The following CLDN16 variants were observed in gnomAD, a reference collection of about 807,000 sequenced individuals.
CLDN16 encodes claudin 16.
Under a neutral mutation model 24.6 loss-of-function variants are expected in CLDN16, and 13 were observed. The observed-to-expected ratio is 0.53, with a 90% CI of 0.34 to 0.84. The LOEUF (loss-of-function observed/expected upper bound fraction) is 0.84. Ranked by LOEUF, CLDN16 falls within the 40% of genes least tolerant of loss-of-function variation. CLDN16 has a pLI of 0.01. For synonymous variants in CLDN16, 116 were observed against 106.7 expected, an observed-to-expected ratio of 1.09 and a Z score of -0.54; for missense variants, 298 against 292.7, an observed-to-expected ratio of 1.02 and a Z score of -0.13.
chr3:190,386,203 G>A (rs1423361177), upstream of CLDN16, among the ~76,000 whole-genome samples: 2 of 152,140 alleles, frequency 1.3e-5, no homozygotes, highest in African/African-American at 4.8e-5. Context: ...AAGATTCTCT[G>A]TGACTCACCA....
chr3:190,350,215 GT>G (rs1379558264), intron 1 of CLDN16, among the ~76,000 whole-genome samples: 6 of 151,926 alleles, frequency 3.9e-5, no homozygotes, highest in Non-Finnish European at 5.9e-5. Flanking sequence ...AAAGGAACAG[GT>G]TTTTGAGACA....
intron 2 of CLDN16, among the ~76,000 whole-genome samples, chr3:190,372,727 C>A (rs902674509): frequency 6.6e-6 from 1 of 151,954 alleles, no homozygotes; most frequent in Non-Finnish European, 1.5e-5. Flanking sequence ...TTGTCCCTAG[C>A]AATTTCATTC....
intron 1 of CLDN16, among the ~76,000 whole-genome samples, chr3:190,369,409 GC>G (rs1217689360): frequency 6.6e-6 from 1 of 151,902 alleles, no homozygotes; most frequent in Non-Finnish European, 1.5e-5. Context: ...TAGAGAAGCT[GC>G]TCATAAGAGA....
chr3:190,404,828 C>A lies in CLDN16; in HGVS notation c.284C>A (p.Thr95Asn). 1 of 1,614,128 alleles carries A rather than the reference C, an allele frequency of 6.2e-7. No individual in the cohort carries two copies. The highest frequency in any genetic ancestry group is 8.5e-7 in the Non-Finnish European group (1 of 1,180,012). Residue 95 changes from threonine to asparagine, a missense_variant, in exon 3 of 5, where the codon ACC becomes AAC. Transcript: ENST00000264734. ...ADILAGFGFL[T>N]LLLGLDCVKF... is the part of the protein sequence containing the mutation. ...ATTCTAGCTGGGTTTGGATTTCTCA[C>A]CCTGCTCCTTGGTCTTGACTGCGTG...
the CLDN16 span, among the ~76,000 whole-genome samples, chr3:190,301,514 A>C: frequency 6.6e-6 from 1 of 152,066 alleles, no homozygotes; most frequent in Non-Finnish European, 1.5e-5. Context: ...AAGAAGAAGA[A>C]GAAGGGGAAG....
intron 1 of CLDN16, among the ~76,000 whole-genome samples, chr3:190,334,394 TAA>T (rs1717253698): frequency 6.6e-6 from 1 of 152,210 alleles, no homozygotes; most frequent in Admixed American, 6.5e-5. Context: ...CAAAATGGAA[TAA>T]AGAGACTGAG....
chr3:190,363,141 T>C (rs1427634753), intron 1 of CLDN16, among the ~76,000 whole-genome samples: 1 of 151,974 alleles, frequency 6.6e-6, no homozygotes, highest in Non-Finnish European at 1.5e-5. Flanking sequence ...AATTTTTCTT[T>C]AGTTTCCATT....
upstream of CLDN16, among the ~76,000 whole-genome samples, chr3:190,385,744 A>T (rs1291759414): frequency 6.6e-6 from 1 of 152,142 alleles, no homozygotes; most frequent in African/African-American, 2.4e-5. Context: ...TGTAGCAAAG[A>T]TGGAATTCTG....
chr3:190,335,371 T>A (rs1030896364), intron 1 of CLDN16, among the ~76,000 whole-genome samples: 1 of 151,954 alleles, frequency 6.6e-6, no homozygotes, highest in Non-Finnish European at 1.5e-5. Context: ...TGAAATCACA[T>A]CTTCATCTAG....
At chr3:190,356,176 A>G (rs915771917) in intron 1 of CLDN16, among the ~76,000 whole-genome samples, 2 of 151,792 alleles carry the variant, frequency 1.3e-5, no homozygotes, top group Non-Finnish European at 2.9e-5. Flanking sequence ...CTATACCAAG[A>G]AAGTTTAAGT....
chr3:190,372,211 C>A (rs918182979), intron 2 of CLDN16, among the ~76,000 whole-genome samples: 1 of 151,948 alleles, frequency 6.6e-6, no homozygotes. Context: ...GAAAGCTTTG[C>A]AAACAGAGGG....
chr3:190,386,856 CA>C (rs1425508292), upstream of CLDN16, among the ~76,000 whole-genome samples: 1 of 152,090 alleles, frequency 6.6e-6, no homozygotes, highest in East Asian at 1.9e-4. Context: ...AGTTTAGCCA[CA>C]AAAAGTTTAT....
the CLDN16 span, among the ~76,000 whole-genome samples, chr3:190,314,079 G>A: frequency 6.6e-6 from 1 of 152,102 alleles, no homozygotes; most frequent in East Asian, 1.9e-4. Context: ...AACAAACTGT[G>A]CTATCTTGAG....
intron 1 of CLDN16, among the ~76,000 whole-genome samples, chr3:190,328,540 T>C (rs1717118141): frequency 6.6e-6 from 1 of 152,160 alleles, no homozygotes; most frequent in African/African-American, 2.4e-5. Flanking sequence ...TGATAAATGA[T>C]AGCAGTACTG....
intron 1 of CLDN16, among the ~76,000 whole-genome samples, chr3:190,341,408 TG>T (rs1194110970): frequency 1.3e-5 from 2 of 152,202 alleles, no homozygotes; most frequent in African/African-American, 4.8e-5. Context: ...TGCCAAGGTT[TG>T]GGAATTGCAC....
At chr3:190,335,708 CAAAAAAAAAA>C in intron 1 of CLDN16, among the ~76,000 whole-genome samples, 1 of 60,148 alleles carries the variant, frequency 1.7e-5, no homozygotes, top group African/African-American at 6.5e-5. Context: ...AAGACTCCAT[CAAAAAAAAAA>C]AAAAAAAAAA....
At chr3:190,297,368 T>C in the CLDN16 span, among the ~76,000 whole-genome samples, 1 of 150,786 alleles carries the variant, frequency 6.6e-6, no homozygotes, top group Non-Finnish European at 1.5e-5. Flanking sequence ...GGGAAAGGAC[T>C]CTACCCAAAT....
the CLDN16 span, among the ~76,000 whole-genome samples, chr3:190,314,158 C>T: frequency 6.6e-6 from 1 of 151,972 alleles, no homozygotes; most frequent in Non-Finnish European, 1.5e-5. Context: ...TATCTTTATC[C>T]AGTGGATTGG....
chr3:190,375,716 G>A lies in CLDN16; in HGVS notation n.306+1113G>A, dbSNP rs557302716. On this transcript the variant is annotated intron_variant and non_coding_transcript_variant, in intron 3 of 4. Coordinates refer to the CLDN16 transcript ENST00000468220. The stretch of plus-strand genomic sequence containing the variant: ...CCTTTGAGTCTCCCCTCTATCCAGC[G>A]AGGTTTTTGTGGGTTAATGCAAAAT... Among the ~76,000 whole-genome samples the A allele has an allele frequency of 1.3e-4, 19 of 151,928 alleles. No homozygotes were observed. The South Asian group carries it at 3.3e-3, about 27-fold the overall frequency.
Sources: allele counts gnomAD v4.1 joint callset (sites outside exome capture counted in the v4.1 genomes callset), GRCh38; gene constraint gnomAD v4.1.1; transcripts MANE v1.5; gene names NCBI Gene and HGNC (gene_info 2026-07-23, HGNC 2026-07-21).